Variants in MCTP1 observed in about 807,000 individuals in gnomAD.
The protein encoded by MCTP1 is multiple C2 and transmembrane domain-containing protein 1.
Under a neutral mutation model 120.6 loss-of-function variants are expected in MCTP1, and 69 were observed. The observed-to-expected ratio is 0.57, with a 90% CI of 0.47 to 0.70. The LOEUF is 0.70. MCTP1 is among the 30% of genes least tolerant of loss of function. The pLI is 0.00. For missense variants in MCTP1, 1,203 were observed against 1,248.8 expected (o/e 0.96, Z 0.55); for synonymous variants, 529 against 493.1 (o/e 1.07, Z -0.96).
At chr5:94,953,877 ATATGCATATATATACAAATAT>A (rs1821406912) in intron 2 of MCTP1, among the ~76,000 whole-genome samples, 1 of 123,124 alleles carries the variant, frequency 8.1e-6, no homozygotes, top group Admixed American at 8.8e-5. Context: ...ATACAAATAT[ATATGCATATATATACAAATAT>A]ATATATGCAT....
intron 17 of MCTP1, among the ~76,000 whole-genome samples, chr5:94,808,859 C>T (rs1782887052): frequency 6.6e-6 from 1 of 152,082 alleles, no homozygotes; most frequent in African/African-American, 2.4e-5. Context: ...GTTGAAAAAA[C>T]ATTGTTTCTT....
intron 18 of MCTP1, among the ~76,000 whole-genome samples, chr5:94,797,103 A>T (rs536461099): frequency 2.8e-4 from 43 of 152,178 alleles, no homozygotes; most frequent in South Asian, 4.1e-4. Context: ...GCAATTTTTC[A>T]ATAGGCTATA....
chr5:94,849,821 C>CA (rs1326180223), intron 17 of MCTP1, among the ~76,000 whole-genome samples: 13 of 151,926 alleles, frequency 8.6e-5, no homozygotes, highest in Non-Finnish European at 1.5e-4. Context: ...TCAATAATTC[C>CA]AAAAAACTGC....
At chr5:95,005,947 C>A (rs551242064) in intron 2 of MCTP1, among the ~76,000 whole-genome samples, 2 of 152,248 alleles carry the variant, frequency 1.3e-5, no homozygotes, top group East Asian at 3.9e-4. Context: ...CAGGAACCAG[C>A]CCTGGGCAAG....
chr5:94,793,213 G>A (rs759470097), intron 18 of MCTP1: 11 of 152,190 alleles, frequency 7.2e-5, no homozygotes, highest in Admixed American at 1.3e-4. Context: ...AACATGTTGG[G>A]ATGCACTATG....
chr5:95,283,828 T>C (rs576954100), intron 1 of MCTP1, 28 bp downstream of exon 1: 3 of 1,230,178 alleles, frequency 2.4e-6, no homozygotes, highest in African/African-American at 6.0e-5. Context: ...CCGCGCACCT[T>C]GTCTCCGGCC....
At chr5:94,950,483 C>A (rs957681536) in intron 3 of MCTP1, among the ~76,000 whole-genome samples, 11 of 151,886 alleles carry the variant, frequency 7.2e-5, no homozygotes, top group Non-Finnish European at 1.6e-4. Flanking sequence ...GTGTTGCTGT[C>A]TTCATTTACA....
chr5:94,962,323 T>C (rs1040320304), intron 2 of MCTP1, among the ~76,000 whole-genome samples: 4 of 151,974 alleles, frequency 2.6e-5, no homozygotes, highest in Admixed American at 1.3e-4. Context: ...GATGTCATTA[T>C]ACAAAAAACA....
In MCTP1 at chr5:94,866,374, T is replaced by A. The variant is rs374731290; in HGVS notation, c.2436+1959A>T. Among the ~76,000 whole-genome samples the A allele has an allele frequency of 1.5e-4, 23 of 152,000 alleles. No homozygotes were observed. The East Asian group carries it at 4.5e-3, about 30-fold the overall frequency. On this transcript the variant is annotated intron_variant, in intron 17 of 22. Coordinates refer to ENST00000515393, the MANE Select transcript of MCTP1 (RefSeq NM_024717.7). ...TTGATTTTGTTATTAGTTGTTTTAA[T>A]CACATTCAACAGAATGTGATTCAGA...
At chr5:94,716,399 A>C (rs1000814714) in intron 19 of MCTP1, among the ~76,000 whole-genome samples, 7 of 152,154 alleles carry the variant, frequency 4.6e-5, no homozygotes, top group Non-Finnish European at 8.8e-5. Flanking sequence ...CCAGTAAAAA[A>C]AAAAAAAAAG....
At chr5:94,782,232 A>G (rs549946855) in intron 18 of MCTP1, among the ~76,000 whole-genome samples, 1 of 152,318 alleles carries the variant, frequency 6.6e-6, no homozygotes, top group East Asian at 1.9e-4. Context: ...TTAAACATTC[A>G]TTTTTGGAAA....
intron 2 of MCTP1, among the ~76,000 whole-genome samples, chr5:94,964,321 G>A (rs1021955954): frequency 6.6e-6 from 1 of 152,284 alleles, no homozygotes; most frequent in Non-Finnish European, 1.5e-5. Context: ...GCTTGAGAAT[G>A]ATGTGCTGCT....
Position 94,708,483 on chromosome 5 carries a change from T to C in MCTP1, c.2928+29A>G, listed in dbSNP as rs544078901. 44 of 1,322,198 alleles carry C rather than the reference T, an allele frequency of 3.3e-5. No individual in the cohort carries two copies. The South Asian group carries it at 4.1e-4, about 12-fold the overall frequency. 81.9% of individuals were successfully genotyped at this position (1,322,198 alleles called of 1,614,324 possible). On this transcript the variant is annotated intron_variant, in intron 22 of 22. Transcript: ENST00000515393. The stretch of plus-strand genomic sequence containing the variant: ...CCCATGCCACACTACATTAAAATAA[T>C]AGCAATAATAATAACGAAACCTACA...
rs185662030 is a variant in MCTP1, at chr5:95,258,840, A to G, written c.720+25016T>C. On this transcript the variant is annotated intron_variant, in intron 1 of 22. Transcript: ENST00000515393. The stretch of plus-strand genomic sequence containing the variant: ...AAATCTCTGTCCCAACAGAGGCTAC[A>G]TACAGAACTGGGGGATTCAGATCCA... Among the ~76,000 whole-genome samples the G allele has an allele frequency of 3.0e-3, 453 of 152,338 alleles. 2 individuals carry two copies. Among genetic ancestry groups the G allele is most frequent in the Middle Eastern group, 0.014 (4 of 294 alleles).
rs990142993 is a variant in MCTP1 at position 95,068,688 on chromosome 5, C to T, written c.721-51204G>A. The T allele has an allele frequency of 1.2e-5, 8 of 685,218 alleles. No homozygotes were observed. The African/African-American group carries it at 1.2e-4, about 10-fold the overall frequency. 42.4% of individuals were successfully genotyped at this position (685,218 alleles called of 1,614,324 possible). On this transcript the variant is annotated intron_variant, in intron 1 of 22. Coordinates refer to ENST00000515393, the MANE Select transcript of MCTP1 (RefSeq NM_024717.7). ...GCTTTCTCCATGTCGGTTTGCATTA[C>T]TATGGTTTTCACAATTCGGTCAAAA...
At chr5:94,733,039 T>C (rs1763432885) in intron 19 of MCTP1, among the ~76,000 whole-genome samples, 2 of 152,238 alleles carry the variant, frequency 1.3e-5, no homozygotes, top group Admixed American at 1.3e-4. Flanking sequence ...AGTAATTTTA[T>C]CTATTCCAAA....
chr5:95,111,889 C>T (rs765315111), intron 1 of MCTP1, among the ~76,000 whole-genome samples: 8 of 152,090 alleles, frequency 5.3e-5, no homozygotes, highest in East Asian at 1.9e-4. Flanking sequence ...CCTTTTATAG[C>T]ACTGATTACT....
intron 1 of MCTP1, among the ~76,000 whole-genome samples, chr5:95,192,099 G>A (rs1264757813): frequency 6.6e-6 from 1 of 151,762 alleles, no homozygotes; most frequent in African/African-American, 2.4e-5. Context: ...ATACCCTGCT[G>A]CTACCTAAAA....
chr5:94,941,825 T>C (rs1390917668), intron 4 of MCTP1, among the ~76,000 whole-genome samples: 1 of 149,326 alleles, frequency 6.7e-6, no homozygotes, highest in Admixed American at 6.7e-5. Flanking sequence ...CAATGATAAG[T>C]AGTGTAACTG....
Sources: gnomAD v4.1 joint callset for allele counts (sites outside exome capture counted in the v4.1 genomes callset) on GRCh38, gnomAD v4.1.1 for gene constraint, MANE v1.5 for transcripts, NCBI Gene and HGNC (gene_info 2026-07-23, HGNC 2026-07-21) for gene names.